The following ANKIB1 variants were observed in gnomAD, a reference collection of about 807,000 sequenced individuals.
ANKIB1 encodes ankyrin repeat and IBR domain containing 1, also known as ankyrin repeat and IBR domain-containing protein 1.
Under a neutral mutation model 122.1 loss-of-function variants are expected in ANKIB1, and 43 were observed. The ratio of observed to expected loss-of-function variants is 0.35; its 90% CI spans 0.28 to 0.45. ANKIB1 has a LOEUF of 0.45. ANKIB1 is among the 20% of genes least tolerant of loss of function. ANKIB1 has a pLI of 1.00. For synonymous variants in ANKIB1, 390 were observed against 442.0 expected (o/e 0.88, Z 1.48); for missense variants, 992 against 1,329.5 (o/e 0.75, Z 3.95).
intron 1 of ANKIB1, among the ~76,000 whole-genome samples, chr7:92,272,330 A>T (rs1427544781): frequency 6.6e-6 from 1 of 152,222 alleles, no homozygotes; most frequent in Non-Finnish European, 1.5e-5. Flanking sequence ...ATTGGGAATT[A>T]AGACACCTAG....
At chr7:92,273,153 C>T (rs1298373592) in intron 1 of ANKIB1, among the ~76,000 whole-genome samples, 1 of 152,092 alleles carries the variant, frequency 6.6e-6, no homozygotes, top group Non-Finnish European at 1.5e-5. Context: ...TCAAGAAAGA[C>T]AATTTATGTA....
intron 1 of ANKIB1, among the ~76,000 whole-genome samples, chr7:92,273,935 G>T (rs1326031779): frequency 6.6e-6 from 1 of 151,818 alleles, no homozygotes; most frequent in African/African-American, 2.4e-5. Context: ...ACCATGGCTG[G>T]CTAGTTTTTT....
intron 1 of ANKIB1, among the ~76,000 whole-genome samples, chr7:92,269,937 C>T (rs1263411569): frequency 6.6e-6 from 1 of 151,998 alleles, no homozygotes; most frequent in Non-Finnish European, 1.5e-5. Flanking sequence ...CTAATGCTAT[C>T]CCTCGCCAAT....
intron 10 of ANKIB1, among the ~76,000 whole-genome samples, chr7:92,370,897 A>G (rs1332756748): frequency 6.6e-6 from 1 of 152,320 alleles, no homozygotes; most frequent in Non-Finnish European, 1.5e-5. Flanking sequence ...GCTTAAAGCA[A>G]TAAGAACTGG....
At chr7:92,329,554 A>G (rs1803114375) in intron 5 of ANKIB1, among the ~76,000 whole-genome samples, 2 of 152,218 alleles carry the variant, frequency 1.3e-5, no homozygotes. Flanking sequence ...GATTATGTCT[A>G]CATTCTGACT....
chr7:92,352,054 A>C (rs1803677279), intron 8 of ANKIB1, among the ~76,000 whole-genome samples: 1 of 152,070 alleles, frequency 6.6e-6, no homozygotes, highest in Admixed American at 6.6e-5. Context: ...AATATTGATT[A>C]TTATGTATTA....
At position 92,357,475 on chromosome 7, in the gene ANKIB1, G is replaced by C. The variant is rs370544266; in HGVS notation, c.1398-4710G>C. On this transcript the variant is annotated intron_variant, in intron 9 of 19. Transcript: ENST00000265742. ...TTAGGCCGGGCTCACTGGCTTACGG[G>C]TATAATCCCAGCATTTTGCAGGGCT... Among the ~76,000 whole-genome samples, 47 of 152,168 alleles carry C rather than the reference G, an allele frequency of 3.1e-4. 1 individual carries two copies. Among genetic ancestry groups the C allele is most frequent in the African/African-American group, 9.6e-4 (40 of 41,522 alleles).
intron 5 of ANKIB1, among the ~76,000 whole-genome samples, chr7:92,340,643 CATATT>C (rs1386044352): frequency 1.3e-5 from 2 of 152,118 alleles, no homozygotes; most frequent in Non-Finnish European, 2.9e-5. Flanking sequence ...AAGAGATAGA[CATATT>C]AAAGTATACT....
intron 9 of ANKIB1, among the ~76,000 whole-genome samples, chr7:92,358,821 T>G (rs1040931181): frequency 1.3e-5 from 2 of 152,218 alleles, no homozygotes; most frequent in South Asian, 4.1e-4. Flanking sequence ...TGGGCTTTTT[T>G]TTCTAGCTTT....
At chr7:92,307,119 T>C (rs1802577195) in intron 2 of ANKIB1, among the ~76,000 whole-genome samples, 1 of 152,300 alleles carries the variant, frequency 6.6e-6, no homozygotes, top group East Asian at 1.9e-4. Flanking sequence ...TTCCCTCCCT[T>C]TTAATTAGCA....
At position 92,343,188 on chromosome 7, in the gene ANKIB1, C is replaced by T. The variant is rs1244702186; in HGVS notation, c.952C>T (p.Pro318Ser). ...PRTTRSSVTS[P>S]DEISLSPGDL... ...GACTACACGCTCTTCTGTCACCTCC[C>T]CAGATGAAATCAGCTTATCTCCTGG... Residue 318 changes from proline (P) to serine (S), a missense_variant, in exon 6 of 20, where the codon CCA becomes TCA. Transcript: ENST00000265742. The T allele has an allele frequency of 6.2e-7, 1 of 1,613,814 alleles. No individual in the cohort carries two copies. Among genetic ancestry groups the T allele is most frequent in the Non-Finnish European group, 8.5e-7 (1 of 1,179,872 alleles).
At chr7:92,285,814 C>T (rs891443683) in intron 1 of ANKIB1, among the ~76,000 whole-genome samples, 34 of 152,168 alleles carry the variant, frequency 2.2e-4, no homozygotes, top group African/African-American at 7.7e-4. Flanking sequence ...TGAAGCCAGA[C>T]TCTTAGGGTA....
Position 92,351,008 on chromosome 7 carries a change from G to A in ANKIB1, c.1144G>A (p.Asp382Asn), listed in dbSNP as rs1320727117. 1 of 1,606,024 alleles carries A rather than the reference G, an allele frequency of 6.2e-7. No homozygotes were observed. Among genetic ancestry groups the A allele is most frequent in the Non-Finnish European group, 8.5e-7 (1 of 1,176,058 alleles). Residue 382 changes from aspartate (D) to asparagine (N), a missense_variant, in exon 8 of 20, where the codon GAT becomes AAT. Around this residue, in one of 4 missense-constraint regions of ANKIB1, gnomAD observed 521 missense variants for 777.7 expected, o/e 0.67. Coordinates refer to ENST00000265742, the MANE Select transcript of ANKIB1 (RefSeq NM_019004.2). ...TCACAACATTTTTTGCCCTGCATAT[G>A]ATTGCTTCCAACTTGTACCTGTGGA... ...EAHNIFCPAY[D>N]CFQLVPVDII... is the part of the protein sequence containing the mutation.
chr7:92,376,447 T>A (rs1804382141), intron 11 of ANKIB1, among the ~76,000 whole-genome samples: 2 of 148,446 alleles, frequency 1.3e-5, no homozygotes, highest in Admixed American at 1.3e-4. Flanking sequence ...TTTTTTTTAT[T>A]TTTTATTTTT....
intron 1 of ANKIB1, among the ~76,000 whole-genome samples, chr7:92,286,941 G>T (rs752308083): frequency 3.9e-5 from 6 of 152,182 alleles, no homozygotes; most frequent in Non-Finnish European, 7.4e-5. Flanking sequence ...CCTGGTACAA[G>T]AACCTATCAG....
chr7:92,249,181 C>A (rs1407188133), intron 1 of ANKIB1, among the ~76,000 whole-genome samples: 2 of 152,200 alleles, frequency 1.3e-5, no homozygotes, highest in Admixed American at 6.5e-5. Context: ...AGCCACTGCG[C>A]CTGGCCTTCC....
chr7:92,352,737 A>G, intron 9 of ANKIB1, 95 bp downstream of exon 9: 1 of 1,227,500 alleles, frequency 8.1e-7, no homozygotes, highest in Non-Finnish European at 1.1e-6. Flanking sequence ...AAATTGTAGT[A>G]TACTTGATAG....
At chr7:92,392,197 T>G (rs1804800280) in intron 16 of ANKIB1, 44 bp from the exon 17 acceptor site, 1 of 1,534,914 alleles carries the variant, frequency 6.5e-7, no homozygotes. Flanking sequence ...ATATACTTTG[T>G]AGTATTGATA....
rs190235386 is a variant in ANKIB1, at chr7:92,299,486, A to G, written c.188+4320A>G. Among the ~76,000 whole-genome samples the G allele has an allele frequency of 2.4e-3, 362 of 152,334 alleles. 2 individuals are homozygous for G. The highest frequency in any genetic ancestry group is 8.2e-3 in the African/African-American group (340 of 41,596). ...ACCGATGTTGAATTTTTGGTATAGT[A>G]TCAAATATGAATATTCACTATTATC... On this transcript the variant is annotated intron_variant, in intron 2 of 19. Coordinates refer to ENST00000265742, the MANE Select transcript of ANKIB1 (RefSeq NM_019004.2).
Sources: allele counts gnomAD v4.1 joint callset (sites outside exome capture counted in the v4.1 genomes callset), GRCh38; gene constraint gnomAD v4.1.1; regional missense constraint gnomAD v4.1.1; transcripts MANE v1.5; gene names NCBI Gene and HGNC (gene_info 2026-07-23, HGNC 2026-07-21).